GDA: variants seen among roughly 807,000 people sequenced by gnomAD.
GDA encodes cytoplasmic PSD-95 interactor.
GDA carries 18 observed loss-of-function variants against 59.6 expected under a neutral mutation model. The ratio of observed to expected loss-of-function variants is 0.30; its 90% CI spans 0.21 to 0.45. The LOEUF (loss-of-function observed/expected upper bound fraction) is 0.45. GDA is among the 20% of genes least tolerant of loss of function. The probability of loss-of-function intolerance (pLI) is 1.00; values close to 1 mark genes in which losing one functional copy is unlikely to be tolerated. For missense variants in GDA, 427 were observed against 552.3 expected (o/e 0.77, Z 2.27); for synonymous variants, 201 against 201.1 (o/e 1.00, Z 0.00).
In GDA at chr9:72,202,842, C is replaced by G. The variant is rs1048700539; in HGVS notation, c.384+100C>G. 5.9e-5 allele frequency: 52 copies of G among 875,276 alleles called. No individual in the cohort carries two copies. Among genetic ancestry groups the G allele is most frequent in the Middle Eastern group, 3.1e-4 (1 of 3,208 alleles). The allele number at this position is 875,276 out of a possible 1,614,324, so 54.2% of individuals were successfully genotyped here. A position where few individuals can be genotyped will look rare whatever the true frequency, so the allele number is the denominator to read the frequency against. On this transcript the variant is annotated intron_variant, in intron 3 of 13. Coordinates refer to ENST00000358399, the MANE Select transcript of GDA (RefSeq NM_004293.5). ...AATTATAAAGCATAAGCAGTTAAGC[C>G]TAAGATGGGCCATAGAGAATTTTTA...
rs1275849490 is a variant in GDA at position 72,214,339 on chromosome 9, C to T, written c.578+348C>T. 3.3e-5 allele frequency among the ~76,000 whole-genome samples: 5 copies of T among 151,054 alleles called. No individual in the cohort carries two copies. In the South Asian group the frequency reaches 6.3e-4, roughly 19 times the overall value. ...TGTCATCCAGGCTGGAGTGCAATGG[C>T]GTGGTCTCAGCTCACTGCAACCTTC... On this transcript the variant is annotated intron_variant, in intron 5 of 13. Transcript: ENST00000358399.
At chr9:72,257,906 T>TGTCACTA (rs1490585583), downstream of GDA, 1 of 145,110 alleles carries the variant, frequency 6.9e-6, no homozygotes, top group African/African-American at 2.6e-5. Flanking sequence ...CACTCCAGCC[T>TGTCACTA]GGGTGACAGA....
chr9:72,163,197 G>C (rs1828868445), intron 1 of GDA, among the ~76,000 whole-genome samples: 1 of 152,112 alleles, frequency 6.6e-6, no homozygotes, highest in Non-Finnish European at 1.5e-5. Flanking sequence ...GAGCTTTCCT[G>C]GGTTTTAGGC....
intron 1 of GDA, among the ~76,000 whole-genome samples, chr9:72,178,251 T>G (rs1033161257): frequency 2.0e-5 from 3 of 152,130 alleles, no homozygotes; most frequent in Non-Finnish European, 4.4e-5. Flanking sequence ...CTTTATTCAA[T>G]TACTCACAGT....
chr9:72,211,970 G>A (rs1835430260), intron 4 of GDA, among the ~76,000 whole-genome samples: 1 of 152,174 alleles, frequency 6.6e-6, no homozygotes, highest in African/African-American at 2.4e-5. Flanking sequence ...TTATCTAAAT[G>A]AATTACAGGG....
intron 1 of GDA, among the ~76,000 whole-genome samples, chr9:72,171,163 T>C (rs1298405492): frequency 6.6e-6 from 1 of 152,168 alleles, no homozygotes; most frequent in East Asian, 1.9e-4. Context: ...ATATACTTTC[T>C]CCGGCTATTG....
At chr9:72,240,943 G>A (rs1322849166) in intron 10 of GDA, among the ~76,000 whole-genome samples, 1 of 152,132 alleles carries the variant, frequency 6.6e-6, no homozygotes, top group Non-Finnish European at 1.5e-5. Flanking sequence ...AGCAGCTGTA[G>A]GAAACTAATA....
rs1441338668 is a variant in GDA at position 72,174,777 on chromosome 9, G to GAC, written c.124-20722_124-20721insCA. ...ATATATATATAGAGAGAGAGAGAGAGAGACAGACAGACAGACAGAGACAGA... is the reference window on the plus strand; with the variant it reads ...ATATATATATAGAGAGAGAGAGAGAGACAGACAGACAGACAGACAGAGACAGA... On this transcript the variant is annotated intron_variant, in intron 1 of 13. Coordinates refer to ENST00000358399, the MANE Select transcript of GDA (RefSeq NM_004293.5). Among the ~76,000 whole-genome samples, 18 of 151,932 alleles carry GAC rather than the reference G, an allele frequency of 1.2e-4. No homozygotes were observed. The East Asian group carries it at 1.4e-3, about 11-fold the overall frequency.
rs1209021373 is a variant in GDA, at chr9:72,251,762, G to A, written c.*3420G>A. ...ATACTGTTAGAAAATCCTAACATTG[G>A]TCTCCGTGCATGTGTTCACACCTGG... On this transcript the variant is annotated 3_prime_UTR_variant, in exon 14 of 14. Transcript: ENST00000358399. The A allele has an allele frequency of 6.6e-6, 1 of 152,054 alleles. No homozygotes were observed. The highest frequency in any genetic ancestry group is 6.6e-5 in the Admixed American group (1 of 15,230). 9.4% of individuals were successfully genotyped at this position (152,054 alleles called of 1,614,324 possible).
Position 72,192,816 on chromosome 9 carries a change from G to T in GDA, c.124-2684G>T, listed in dbSNP as rs1832719775. On this transcript the variant is annotated intron_variant, in intron 1 of 13. Coordinates refer to ENST00000358399, the MANE Select transcript of GDA (RefSeq NM_004293.5). Reference sequence around the variant, plus strand: ...AATCACTTGAACCCACGAGGTGGAGGTTGCAGTGAGCCGAGATGGTGCCAC... The same window carrying T: ...AATCACTTGAACCCACGAGGTGGAGTTTGCAGTGAGCCGAGATGGTGCCAC... 2.0e-5 allele frequency among the ~76,000 whole-genome samples: 3 copies of T among 151,880 alleles called. No homozygotes were observed. The South Asian group carries it at 6.2e-4, about 32-fold the overall frequency.
chr9:72,191,017 C>A (rs939768164), intron 1 of GDA, among the ~76,000 whole-genome samples: 5 of 151,766 alleles, frequency 3.3e-5, no homozygotes, highest in Non-Finnish European at 5.9e-5. Context: ...CGAGTAGATG[C>A]GAATGGAAAA....
At position 72,155,356 on chromosome 9, in the gene GDA, TG is replaced by T. The variant is rs527337963; in HGVS notation, c.123+5677del. On this transcript the variant is annotated intron_variant, in intron 1 of 13. Coordinates refer to ENST00000358399, the MANE Select transcript of GDA (RefSeq NM_004293.5). ...CCCCATGATTCAAGTTATCGCCCAC[TG>T]GGTTCCTCCCACAACATGTGGGAAT... 1.4e-4 allele frequency among the ~76,000 whole-genome samples: 21 copies of T among 152,224 alleles called. No homozygotes were observed. The South Asian group carries it at 4.4e-3, about 32-fold the overall frequency.
chr9:72,206,633 C>T (rs1461769287), intron 3 of GDA, among the ~76,000 whole-genome samples: 3 of 152,032 alleles, frequency 2.0e-5, no homozygotes, highest in Admixed American at 6.5e-5. Context: ...ATTAGCCAGG[C>T]ATGGTGGCGG....
intron 9 of GDA, among the ~76,000 whole-genome samples, chr9:72,229,724 TTCACAG>T (rs1219243747): frequency 6.6e-6 from 1 of 152,184 alleles, no homozygotes; most frequent in Non-Finnish European, 1.5e-5. Flanking sequence ...GCTGGAGGCA[TTCACAG>T]TTGGAAATCT....
chr9:72,127,527 C>T (rs1460960850), intron 1 of GDA, among the ~76,000 whole-genome samples: 2 of 151,560 alleles, frequency 1.3e-5, no homozygotes, highest in Admixed American at 6.6e-5. Flanking sequence ...GTCCCAGCTA[C>T]TCAGGAGGCT....
At chr9:72,147,697 A>G (rs1826714483), upstream of GDA, among the ~76,000 whole-genome samples, 1 of 152,176 alleles carries the variant, frequency 6.6e-6, no homozygotes, top group Admixed American at 6.5e-5. Flanking sequence ...TAGGAAAGTA[A>G]TACATCTGTT....
chr9:72,245,354 T>C (rs556733470), intron 12 of GDA, 76 bp downstream of exon 12: 74 of 1,100,066 alleles, frequency 6.7e-5, no homozygotes, highest in Middle Eastern at 4.1e-4. Context: ...GAAAAGAAAA[T>C]AGAAACCGAA....
chr9:72,198,902 C>T (rs1833584458), intron 2 of GDA, among the ~76,000 whole-genome samples: 1 of 144,854 alleles, frequency 6.9e-6, no homozygotes, highest in Admixed American at 6.9e-5. Context: ...TTGGCCAACA[C>T]TGCAGATTTG....
rs1417592782 is a variant in GDA, at chr9:72,203,499, C to T, written c.384+757C>T. Among the ~76,000 whole-genome samples the T allele has an allele frequency of 2.6e-5, 4 of 152,204 alleles. No individual in the cohort carries two copies. In the East Asian group the frequency reaches 7.7e-4, roughly 29 times the overall value. On this transcript the variant is annotated intron_variant, in intron 3 of 13. Coordinates refer to ENST00000358399, the MANE Select transcript of GDA (RefSeq NM_004293.5). ...CTCTGAAAGTGTCCTTCCTTCTCCT[C>T]TTTCAGGAAAATCAGTTCCTTTCTT...
Sources: gnomAD v4.1 joint callset for allele counts (sites outside exome capture counted in the v4.1 genomes callset) on GRCh38, gnomAD v4.1.1 for gene constraint, MANE v1.5 for transcripts, NCBI Gene and HGNC (gene_info 2026-07-23, HGNC 2026-07-21) for gene names.